Variants in AIM2 observed in about 807,000 individuals in gnomAD.
AIM2 encodes interferon-inducible protein AIM2.
Under a neutral mutation model 27.7 loss-of-function variants are expected in AIM2, and 30 were observed. The ratio of observed to expected loss-of-function variants is 1.08; its 90% CI spans 0.81 to 1.47. The LOEUF is 1.47. Ranked by LOEUF, AIM2 falls within the 40% of genes most tolerant of loss-of-function variation. The pLI, the probability that AIM2 is intolerant of heterozygous loss-of-function variation, is 0.00. For synonymous variants in AIM2, 141 were observed against 145.3 expected, an observed-to-expected ratio of 0.97 and a Z score of 0.21; for missense variants, 358 against 411.3, an observed-to-expected ratio of 0.87 and a Z score of 1.12.
downstream of AIM2, among the ~76,000 whole-genome samples, chr1:159,059,033 C>T (rs567211492): frequency 2.6e-5 from 4 of 152,304 alleles, no homozygotes; most frequent in South Asian, 8.3e-4. Context: ...CTGGGGACCC[C>T]TTCCCATCTG....
chr1:159,145,831 G>A (rs1034564166), intron 1 of AIM2, among the ~76,000 whole-genome samples: 2 of 152,206 alleles, frequency 1.3e-5, no homozygotes, highest in African/African-American at 4.8e-5. Context: ...CTAGAGGCCA[G>A]GCATGGTGGC....
At position 159,073,330 on chromosome 1, in the gene AIM2, C is replaced by A. The variant is rs1195747588; in HGVS notation, c.170G>T (p.Gly57Val). ...QVATLMIQNA[G>V]AVSAVMKTIR... ...GGTCTTCATCACTGCAGACACCGCCCCAGCATTTTGAATCATCAAGGTAGC... is the reference window on the plus strand; with the variant it reads ...GGTCTTCATCACTGCAGACACCGCCACAGCATTTTGAATCATCAAGGTAGC... The change falls in exon 2 of 6, where the codon GGG becomes GTG. Residue 57 changes from glycine to valine, a missense_variant. Gly to Val is a moderately radical substitution (Grantham distance 109). Coordinates refer to ENST00000368130, the MANE Select transcript of AIM2 (RefSeq NM_004833.3). The A allele has an allele frequency of 9.3e-6, 15 of 1,614,168 alleles. No individual in the cohort carries two copies. The East Asian group carries it at 3.3e-4, about 36-fold the overall frequency.
Position 159,097,673 on chromosome 1 carries a change from T to A in AIM2, c.-15-31344A>T, listed in dbSNP as rs375950489. ...TCCCTTCCCCTTCTATGTTTAAATT[T>A]CCTTATCTGTCAAATGGAGATAATA... On this transcript the variant is annotated intron_variant, in intron 1 of 2. Transcript: ENST00000368129. 2.0e-4 allele frequency among the ~76,000 whole-genome samples: 31 copies of A among 152,332 alleles called. No individual in the cohort carries two copies. The South Asian group carries it at 6.4e-3, about 32-fold the overall frequency.
At chr1:159,062,465 G>C (rs2793845), downstream of AIM2, 1 of 559,660 alleles carries the variant, frequency 1.8e-6, no homozygotes, top group Admixed American at 3.3e-5. Context: ...ACAAACTAAA[G>C]GAGATAGTGG....
At chr1:159,145,775 T>TC (rs1003548079) in intron 1 of AIM2, among the ~76,000 whole-genome samples, 25 of 152,148 alleles carry the variant, frequency 1.6e-4, no homozygotes, top group Non-Finnish European at 2.8e-4. Context: ...CCTTATTACC[T>TC]CCCACCCACC....
intron 1 of AIM2, among the ~76,000 whole-genome samples, chr1:159,130,127 G>A (rs1161551497): frequency 6.6e-6 from 1 of 152,130 alleles, no homozygotes; most frequent in Non-Finnish European, 1.5e-5. Flanking sequence ...CATTGATTCT[G>A]GCCCCAGCCC....
At chr1:159,145,986 G>A (rs1280711964) in intron 1 of AIM2, among the ~76,000 whole-genome samples, 4 of 151,966 alleles carry the variant, frequency 2.6e-5, no homozygotes, top group East Asian at 1.9e-4. Flanking sequence ...CGTGCCTGTA[G>A]TCCCAGCTAC....
intron 3 of AIM2, among the ~76,000 whole-genome samples, chr1:159,067,616 T>G (rs1656164860): frequency 6.6e-6 from 1 of 152,170 alleles, no homozygotes; most frequent in Non-Finnish European, 1.5e-5. Flanking sequence ...TATTTGGGTC[T>G]TCCAGACTGA....
chr1:159,058,569 C>T (rs542028374), downstream of AIM2, among the ~76,000 whole-genome samples: 5 of 152,120 alleles, frequency 3.3e-5, no homozygotes, highest in Admixed American at 3.3e-4. Context: ...TCGACCATCC[C>T]AACCCCTGGA....
intron 1 of AIM2, chr1:159,081,816 G>T (rs566066246): frequency 6.5e-6 from 1 of 154,664 alleles, no homozygotes; most frequent in Non-Finnish European, 1.4e-5. Flanking sequence ...TGGCCCAGAT[G>T]CTAGAAAGCC....
chr1:159,055,860 C>T, the AIM2 span, among the ~76,000 whole-genome samples: 1 of 152,194 alleles, frequency 6.6e-6, no homozygotes, highest in African/African-American at 2.4e-5. Context: ...CTCCTCTTTA[C>T]TCACCCTATA....
chr1:159,141,441 A>T (rs1648107789), upstream of AIM2, among the ~76,000 whole-genome samples: 1 of 152,186 alleles, frequency 6.6e-6, no homozygotes, highest in South Asian at 2.1e-4. Context: ...AATCTGTAAG[A>T]GAGGAATACA....
intron 2 of AIM2, among the ~76,000 whole-genome samples, chr1:159,071,342 CA>C (rs1361018590): frequency 2.0e-4 from 30 of 152,092 alleles, no homozygotes; most frequent in Admixed American, 2.0e-3. Flanking sequence ...ATTAACTGTT[CA>C]AAAAATAAAA....
chr1:159,059,542 A>G (rs1655765890), downstream of AIM2, among the ~76,000 whole-genome samples: 1 of 152,200 alleles, frequency 6.6e-6, no homozygotes, highest in Non-Finnish European at 1.5e-5. Flanking sequence ...AATGAACTCT[A>G]AGAAAAAGGA....
chr1:159,061,547 C>T (rs1298578260), downstream of AIM2, among the ~76,000 whole-genome samples: 4 of 150,262 alleles, frequency 2.7e-5, no homozygotes, highest in Non-Finnish European at 4.4e-5. Context: ...TGCCCACCAC[C>T]GTGCCCGGCT....
rs181671323 is a variant in AIM2 at position 159,136,241 on chromosome 1, C to T, written c.-16+4190G>A. 4.3e-4 allele frequency among the ~76,000 whole-genome samples: 65 copies of T among 152,308 alleles called. 1 individual carries two copies. The highest frequency in any genetic ancestry group is 1.2e-3 in the African/African-American group (50 of 41,560). On this transcript the variant is annotated intron_variant, in intron 1 of 2. Coordinates refer to the AIM2 transcript ENST00000368129. The stretch of plus-strand genomic sequence containing the variant: ...ACAGATAAAATCTCTCAAGTCCTCA[C>T]GCACAGCCTCCAAGAAACTAGCTTG...
upstream of AIM2, among the ~76,000 whole-genome samples, chr1:159,078,347 G>T (rs1395473254): frequency 6.6e-6 from 1 of 152,226 alleles, no homozygotes; most frequent in Non-Finnish European, 1.5e-5. Flanking sequence ...AAGGTGTTCA[G>T]AAAATATTCG....
intron 1 of AIM2, among the ~76,000 whole-genome samples, chr1:159,121,282 A>T (rs1432578611): frequency 6.6e-6 from 1 of 152,224 alleles, no homozygotes; most frequent in East Asian, 1.9e-4. Context: ...ATCCCTAAGT[A>T]ACTGTAGAGT....
intron 1 of AIM2, among the ~76,000 whole-genome samples, chr1:159,139,540 T>C (rs933142684): frequency 1.6e-4 from 24 of 152,180 alleles, no homozygotes; most frequent in Non-Finnish European, 5.9e-5. Flanking sequence ...TTTTAATACA[T>C]AAGCAAATTA....
Sources: gnomAD v4.1 joint callset for allele counts (sites outside exome capture counted in the v4.1 genomes callset) on GRCh38, gnomAD v4.1.1 for gene constraint, MANE v1.5 for transcripts, NCBI Gene and HGNC (gene_info 2026-07-23, HGNC 2026-07-21) for gene names.